Variants in CCDC136 observed in about 807,000 individuals in gnomAD.
CCDC136 encodes the protein coiled-coil domain containing 136.
Under a neutral mutation model 141.2 loss-of-function variants are expected in CCDC136, and 100 were observed. The observed-to-expected ratio is 0.71, with a 90% CI of 0.60 to 0.84. The LOEUF (loss-of-function observed/expected upper bound fraction) is 0.84, where lower values mean the gene tolerates loss of function less well. Ranked by LOEUF, CCDC136 falls within the 40% of genes least tolerant of loss-of-function variation. The probability of loss-of-function intolerance (pLI) is 0.00; values close to 1 mark genes in which losing one functional copy is unlikely to be tolerated. For synonymous variants in CCDC136, 474 were observed against 531.9 expected, an observed-to-expected ratio of 0.89 and a Z score of 1.50; for missense variants, 1,206 against 1,379.4, an observed-to-expected ratio of 0.87 and a Z score of 1.99.
Position 128,812,212 on chromosome 7 carries a change from A to G in CCDC136, c.2441A>G (p.Tyr814Cys), listed in dbSNP as rs373049285. 8.1e-6 allele frequency: 13 copies of G among 1,613,886 alleles called. No homozygotes were observed. The highest frequency in any genetic ancestry group is 1.6e-4 in the Middle Eastern group (1 of 6,084). ...YCTTSNSSIT[Y>C]KKSYGSTSSS... Reference sequence around the variant, plus strand: ...ACTACCAGCAACAGCAGCATTACCTATAAGAAGAGTTACGGCAGCACCAGT... The same window carrying G: ...ACTACCAGCAACAGCAGCATTACCTGTAAGAAGAGTTACGGCAGCACCAGT... The change falls in exon 13 of 18, where the codon TAT (tyrosine) becomes TGT (cysteine). Residue 814 changes from tyrosine to cysteine, a missense_variant. By Grantham distance (194) the Tyr-to-Cys change is radical. Transcript: ENST00000297788.
intron 17 of CCDC136, among the ~76,000 whole-genome samples, chr7:128,820,392 C>T (rs932476760): frequency 3.3e-5 from 5 of 152,196 alleles, no homozygotes; most frequent in African/African-American, 7.2e-5. Context: ...GAGTTTGACA[C>T]GACTTCCCCT....
chr7:128,812,114 C>A lies in CCDC136; in HGVS notation c.2343C>A (p.Thr781=). 1 of 1,614,000 alleles carries A rather than the reference C, an allele frequency of 6.2e-7. No homozygotes were observed. The highest frequency in any genetic ancestry group is 8.5e-7 in the Non-Finnish European group (1 of 1,179,876). The stretch of plus-strand genomic sequence containing the variant: ...ACAAGAGTTACACCAGCACCCAGAC[C>A]AGCAGCAAGAGCTTTCTCAAGAGCT... ...SYYKSYTSTQ[T]SSKSFLKSYD... is the part of the protein sequence containing the mutation. The change falls in exon 13 of 18, where the codon ACC becomes ACA. Residue 781 remains threonine (T), a synonymous_variant. Transcript: ENST00000297788.
intron 8 of CCDC136, 65 bp downstream of exon 8, chr7:128,806,460 A>G: frequency 6.9e-7 from 1 of 1,440,610 alleles, no homozygotes; most frequent in Non-Finnish European, 9.4e-7. Context: ...GGTTTTGGGG[A>G]AGGTGGATAA....
In CCDC136 at chr7:128,805,239, C is replaced by G; in HGVS notation, c.783-120C>G. 1 of 789,362 alleles carries G rather than the reference C, an allele frequency of 1.3e-6. No homozygotes were observed. Among genetic ancestry groups the G allele is most frequent in the Non-Finnish European group, 2.1e-6 (1 of 477,440 alleles). 48.9% of individuals were successfully genotyped at this position (789,362 alleles called of 1,614,324 possible). A position where few individuals can be genotyped will look rare whatever the true frequency, so the allele number is the denominator to read the frequency against. On this transcript the variant is annotated intron_variant, in intron 5 of 17. Transcript: ENST00000297788. The surrounding 1 kb of genome is among the most constrained non-coding windows in gnomAD (Gnocchi z 4.6). The stretch of plus-strand genomic sequence containing the variant: ...AAGCATGTTTATCTGAGCGGTGAGT[C>G]ACAATAGAAGGCCCCTTACTATCTT...
At chr7:128,796,962 C>G (rs929684641) in intron 3 of CCDC136, among the ~76,000 whole-genome samples, 2 of 151,322 alleles carry the variant, frequency 1.3e-5, no homozygotes, top group African/African-American at 4.9e-5. Flanking sequence ...GGGATGGTCT[C>G]GATCTCCTGA....
chr7:128,794,767 A>G lies in CCDC136; in HGVS notation c.345A>G (p.Gln115=), dbSNP rs1802697673. 1.3e-6 allele frequency: 2 copies of G among 1,551,506 alleles called. No homozygotes were observed. Among genetic ancestry groups the G allele is most frequent in the Admixed American group, 2.0e-5 (1 of 50,984 alleles). The change falls in exon 3 of 18, where the codon CAA becomes CAG. Residue 115 remains glutamine, a splice_region_variant and synonymous_variant. Coordinates refer to ENST00000297788, the MANE Select transcript of CCDC136 (RefSeq NM_022742.5). This position sits in a 1 kb window ranked among gnomAD's most constrained non-coding sequence, Gnocchi z 4.3. The part of the protein sequence containing the change: ...EVFTKQIQQL[Q]GELRSLREEI... ...TCACCAAGCAGATCCAGCAGCTCCA[A>G]GGTAATTCCCAGGACTTGGACTGGA...
At chr7:128,797,271 A>G (rs1306058521) in intron 3 of CCDC136, among the ~76,000 whole-genome samples, 1 of 152,146 alleles carries the variant, frequency 6.6e-6, no homozygotes, top group South Asian at 2.1e-4. Flanking sequence ...GAATATATTG[A>G]GGCAGTTGGA....
chr7:128,805,359 G>T lies in CCDC136; in HGVS notation c.783G>T (p.Arg261Ser). ...TGQLADLESE[R>S]TQRATERWLQ... ...ATAGCTCTGCGGTTCTGAATTGCAG[G>T]ACACAGAGAGCAACAGAGAGATGGC... The change falls in exon 6 of 18, where the codon AGG (arginine) becomes AGT (serine). Residue 261 changes from arginine (R) to serine (S), a missense_variant and splice_region_variant. Coordinates refer to ENST00000297788, the MANE Select transcript of CCDC136 (RefSeq NM_022742.5). This position sits in a 1 kb window ranked among gnomAD's most constrained non-coding sequence, Gnocchi z 4.6. The T allele has an allele frequency of 6.2e-7, 1 of 1,613,668 alleles. No individual in the cohort carries two copies. The highest frequency in any genetic ancestry group is 8.5e-7 in the Non-Finnish European group (1 of 1,179,762).
chr7:128,802,043 T>C (rs1268922613), intron 4 of CCDC136, among the ~76,000 whole-genome samples: 2 of 152,202 alleles, frequency 1.3e-5, no homozygotes, highest in Non-Finnish European at 2.9e-5. Flanking sequence ...GAATGCTTTA[T>C]AGGGGGCCTC....
chr7:128,796,739 A>ATATTTTTTTTTTT, intron 3 of CCDC136, among the ~76,000 whole-genome samples: 1 of 113,376 alleles, frequency 8.8e-6, no homozygotes, highest in Non-Finnish European at 1.7e-5. Context: ...ATATATATAT[A>ATATTTTTTTTTTT]TTCTTTTTTT....
chr7:128,819,224 A>G (rs948620147), intron 17 of CCDC136, among the ~76,000 whole-genome samples: 4 of 152,250 alleles, frequency 2.6e-5, no homozygotes, highest in African/African-American at 9.6e-5. Flanking sequence ...GGAGAGGAAG[A>G]ACTGCTGGTG....
chr7:128,810,950 T>C (rs17165191), intron 12 of CCDC136, among the ~76,000 whole-genome samples: 25,449 of 152,162 alleles, frequency 0.17, 2,272 homozygotes, highest in East Asian at 0.22. Context: ...ACCAGAAAAT[T>C]GATGCCTCTC....
rs1805975568 is a variant in CCDC136 at position 128,812,779 on chromosome 7, G to A, written c.2613G>A (p.Gln871=). 2 of 1,613,584 alleles carry A rather than the reference G, an allele frequency of 1.2e-6. No individual in the cohort carries two copies. The highest frequency in any genetic ancestry group is 4.5e-5 in the East Asian group (2 of 44,842). ...TGCAGGCCATGTACCAGATAAGCCA[G>A]GAGGAACACAGCCAGCTGCAAGAGC... ...QAVQAMYQIS[Q]EEHSQLQEQM... is the part of the protein sequence containing the mutation. The change falls in exon 14 of 18, where the codon CAG becomes CAA. Residue 871 remains glutamine (Q), a synonymous_variant. Transcript: ENST00000297788.
intron 12 of CCDC136, among the ~76,000 whole-genome samples, chr7:128,811,515 G>A (rs574723400): frequency 1.3e-4 from 20 of 152,250 alleles, no homozygotes; most frequent in Admixed American, 1.0e-3. Context: ...AAACCCACTC[G>A]GCACTGCTCC....
chr7:128,808,578 GTC>G, intron 10 of CCDC136: 1 of 985,428 alleles, frequency 1.0e-6, no homozygotes, highest in Non-Finnish European at 1.2e-6. Flanking sequence ...AGGCCCAAGA[GTC>G]TCTAACGATG....
chr7:128,792,931 C>T (rs887197984), intron 1 of CCDC136, among the ~76,000 whole-genome samples: 2 of 152,246 alleles, frequency 1.3e-5, no homozygotes, highest in South Asian at 2.1e-4. Context: ...TCCCAACACA[C>T]GTGTATCCCC....
intron 17 of CCDC136, among the ~76,000 whole-genome samples, chr7:128,820,622 A>C (rs971788094): frequency 1.3e-5 from 2 of 152,190 alleles, no homozygotes; most frequent in Non-Finnish European, 2.9e-5. Context: ...TTTTAGAGAC[A>C]GGGTCTCGCT....
chr7:128,805,946 C>T lies in CCDC136; in HGVS notation c.1089+45C>T, dbSNP rs749251104. On this transcript the variant is annotated intron_variant, in intron 7 of 17. Coordinates refer to ENST00000297788, the MANE Select transcript of CCDC136 (RefSeq NM_022742.5). This position sits in a 1 kb window ranked among gnomAD's most constrained non-coding sequence, Gnocchi z 4.6. The stretch of plus-strand genomic sequence containing the variant: ...GCATCTGGGGTGGGGGCAGAAGGGC[C>T]TCATGGAGGGGCTGCTTCAACCGGG... 3 of 1,608,436 alleles carry T rather than the reference C, an allele frequency of 1.9e-6. No homozygotes were observed. The highest frequency in any genetic ancestry group is 3.3e-5 in the Admixed American group (2 of 59,934).
In CCDC136 at chr7:128,818,000, GT is replaced by G; in HGVS notation, c.*5+140del. On this transcript the variant is annotated intron_variant, in intron 17 of 17. Coordinates refer to ENST00000297788, the MANE Select transcript of CCDC136 (RefSeq NM_022742.5). The surrounding 1 kb of genome is among the most constrained non-coding windows in gnomAD (Gnocchi z 4.6). Reference sequence around the variant, plus strand: ...TATAATAGGTGATGCTCAGGTCTGAGTTTTAGTTCTGACTTTTCCTTGGGCT... The same window carrying G: ...TATAATAGGTGATGCTCAGGTCTGAGTTTAGTTCTGACTTTTCCTTGGGCT... 1 of 681,556 alleles carries G rather than the reference GT, an allele frequency of 1.5e-6. No homozygotes were observed. The highest frequency in any genetic ancestry group is 2.6e-6 in the Non-Finnish European group (1 of 385,908). The allele number at this position is 681,556 out of a possible 1,614,324, so 42.2% of individuals were successfully genotyped here.
Sources: gnomAD v4.1 joint callset for allele counts (sites outside exome capture counted in the v4.1 genomes callset) on GRCh38, gnomAD v4.1.1 for gene constraint, Gnocchi (gnomAD v3.1) non-coding constraint, MANE v1.5 for transcripts, NCBI Gene and HGNC (gene_info 2026-07-23, HGNC 2026-07-21) for gene names.